The following ATP6V1C1 variants were observed in gnomAD, a reference collection of about 807,000 sequenced individuals.
ATP6V1C1 encodes ATPase H+ transporting V1 subunit C1.
Under a neutral mutation model 53.9 loss-of-function variants are expected in ATP6V1C1, and 45 were observed. The ratio of observed to expected loss-of-function variants is 0.83; its 90% confidence interval spans 0.66 to 1.07. The LOEUF (loss-of-function observed/expected upper bound fraction) is 1.07. Among genes scored for constraint, ATP6V1C1 ranks in the 50% least tolerant of loss-of-function variants. The pLI, the probability that ATP6V1C1 is intolerant of heterozygous loss-of-function variation, is 0.00. For missense variants in ATP6V1C1, 315 were observed against 440.3 expected, an observed-to-expected ratio of 0.72 and a Z score of 2.55; for synonymous variants, 153 against 155.2, an observed-to-expected ratio of 0.99 and a Z score of 0.11.
intron 3 of ATP6V1C1, among the ~76,000 whole-genome samples, chr8:103,044,982 A>G (rs532257337): frequency 6.6e-6 from 1 of 152,286 alleles, no homozygotes; most frequent in East Asian, 1.9e-4. Context: ...TTGAGCTGAA[A>G]ATGGTTATAG....
chr8:103,067,330 G>T (rs1011323058), intron 12 of ATP6V1C1, among the ~76,000 whole-genome samples: 1 of 149,846 alleles, frequency 6.7e-6, no homozygotes, highest in Non-Finnish European at 1.5e-5. Flanking sequence ...ACCTCGGGGG[G>T]TGGTTGCAGT....
chr8:103,050,965 T>G (rs1817189923), intron 4 of ATP6V1C1, 85 bp from the exon 5 acceptor site: 3 of 897,876 alleles, frequency 3.3e-6, no homozygotes, highest in East Asian at 2.6e-5. Context: ...TCAATGCCAA[T>G]TTCAGCATTA....
intron 3 of ATP6V1C1, among the ~76,000 whole-genome samples, chr8:103,047,464 A>ACG (rs137856477): frequency 8.0e-6 from 1 of 125,604 alleles, no homozygotes; most frequent in East Asian, 2.3e-4. Flanking sequence ...ACACACACAC[A>ACG]TTTTTTTTTT....
At chr8:103,029,267 T>TTC (rs965866747) in intron 1 of ATP6V1C1, among the ~76,000 whole-genome samples, 5 of 140,286 alleles carry the variant, frequency 3.6e-5, no homozygotes, top group East Asian at 2.0e-4. Context: ...CTTCCTTCTT[T>TTC]TCTCTCTCTC....
At chr8:103,062,895 C>T (rs931732319) in intron 8 of ATP6V1C1, 60 bp from the exon 9 acceptor site, 99 of 1,493,070 alleles carry the variant, frequency 6.6e-5, no homozygotes, top group Non-Finnish European at 8.8e-5. Context: ...GAATTTTGCC[C>T]TTAATATGAA....
chr8:103,028,471 T>C (rs1816736365), intron 1 of ATP6V1C1, among the ~76,000 whole-genome samples: 2 of 152,222 alleles, frequency 1.3e-5, no homozygotes, highest in Admixed American at 1.3e-4. Flanking sequence ...CCATTTCTTG[T>C]AACATTAAAT....
In ATP6V1C1 at chr8:103,049,054, C is replaced by G. The variant is rs369444326; in HGVS notation, c.286+99C>G. The G allele has an allele frequency of 4.3e-4, 458 of 1,058,706 alleles. 1 individual carries two copies. The African/African-American group carries it at 6.8e-3, about 16-fold the overall frequency. 65.6% of individuals were successfully genotyped at this position (1,058,706 alleles called of 1,614,324 possible). A position where few individuals can be genotyped will look rare whatever the true frequency, so the allele number is the denominator to read the frequency against. The stretch of plus-strand genomic sequence containing the variant: ...ATGTAAAAAAGTCTACAGAAAAGGA[C>G]ACTAAATACAATAGAAAGCCATTAA... On this transcript the variant is annotated intron_variant, in intron 4 of 12. Coordinates refer to ENST00000518738, the MANE Select transcript of ATP6V1C1 (RefSeq NM_001695.5).
At chr8:103,064,319 G>A (rs1438359085) in intron 10 of ATP6V1C1, among the ~76,000 whole-genome samples, 5 of 152,176 alleles carry the variant, frequency 3.3e-5, no homozygotes, top group Admixed American at 3.3e-4. Flanking sequence ...CTAAGAAGTT[G>A]TTTGTAAGTT....
intron 1 of ATP6V1C1, among the ~76,000 whole-genome samples, chr8:103,027,324 C>A (rs1024864458): frequency 6.6e-6 from 1 of 152,174 alleles, no homozygotes; most frequent in Non-Finnish European, 1.5e-5. Context: ...GATTGCATTT[C>A]AGAGACCACG....
rs1324545419 is a variant in ATP6V1C1 at position 103,071,492 on chromosome 8, A to G, written c.*2745A>G. ...TGTCACACTTCCCGCCCCACACTCA[A>G]CTGTTGTGTGAATGAGCCAGACACA... On this transcript the variant is annotated 3_prime_UTR_variant, in exon 13 of 13. Coordinates refer to ENST00000518738, the MANE Select transcript of ATP6V1C1 (RefSeq NM_001695.5). The G allele has an allele frequency of 6.6e-6, 1 of 152,184 alleles. No homozygotes were observed. The highest frequency in any genetic ancestry group is 2.4e-5 in the African/African-American group (1 of 41,442). The allele number at this position is 152,184 out of a possible 1,614,324, so 9.4% of individuals were successfully genotyped here.
rs1030294946 is a variant in ATP6V1C1, at chr8:103,069,564, T to C, written c.*817T>C. On this transcript the variant is annotated 3_prime_UTR_variant, in exon 13 of 13. Transcript: ENST00000518738. ...TTTTGAATAAAGTCTAGCAGAACTA[T>C]GCAGCTTTAGTCATTTGTTTTGTCT... The C allele has an allele frequency of 6.6e-6, 1 of 152,244 alleles. No homozygotes were observed. The highest frequency in any genetic ancestry group is 2.4e-5 in the African/African-American group (1 of 41,466). 9.4% of individuals were successfully genotyped at this position (152,244 alleles called of 1,614,324 possible). A position where few individuals can be genotyped will look rare whatever the true frequency, so the allele number is the denominator to read the frequency against.
In ATP6V1C1 at chr8:103,033,264, C is replaced by A. The variant is rs60356223; in HGVS notation, c.-39-7534C>A. Among the ~76,000 whole-genome samples the A allele has an allele frequency of 5.0e-4, 76 of 152,236 alleles. 1 individual carries two copies. In the East Asian group the frequency reaches 0.012, roughly 23 times the overall value. On this transcript the variant is annotated intron_variant, in intron 1 of 12. Transcript: ENST00000518738. Reference sequence around the variant, plus strand: ...TTAATCTTGGTTTTGACAGTGCTCACACAGGTGTATACATTTGTCAAAAAC... The same window carrying A: ...TTAATCTTGGTTTTGACAGTGCTCAAACAGGTGTATACATTTGTCAAAAAC...
rs752791861 is a variant in ATP6V1C1 at position 103,064,726 on chromosome 8, C to T, written c.841C>T (p.Arg281Trp). Residue 281 changes from arginine (R) to tryptophan (W), a missense_variant, in exon 11 of 13, where the codon CGG (arginine) becomes TGG (tryptophan). Transcript: ENST00000518738. ...DKKKQFGPLV[R>W]WLKVNFSEAF... Reference sequence around the variant, plus strand: ...TTTCTTTTTATAGGGACCACTTGTACGGTGGCTGAAAGTGAATTTTAGTGA... The same window carrying T: ...TTTCTTTTTATAGGGACCACTTGTATGGTGGCTGAAAGTGAATTTTAGTGA... 41 of 1,612,038 alleles carry T rather than the reference C, an allele frequency of 2.5e-5. No homozygotes were observed. In the Admixed American group the frequency reaches 5.4e-4, roughly 21 times the overall value.
chr8:103,037,511 A>T (rs1816919774), intron 1 of ATP6V1C1, among the ~76,000 whole-genome samples: 1 of 152,180 alleles, frequency 6.6e-6, no homozygotes, highest in African/African-American at 2.4e-5. Flanking sequence ...GGTCATAAGA[A>T]GATATAAACA....
chr8:103,058,983 A>ATTTT (rs367688530), intron 8 of ATP6V1C1, among the ~76,000 whole-genome samples: 2 of 137,510 alleles, frequency 1.5e-5, no homozygotes, highest in African/African-American at 5.3e-5. Context: ...CCACTTTCCT[A>ATTTT]TTTTTTTTTT....
At chr8:103,033,683 T>C (rs1445252479) in intron 1 of ATP6V1C1, among the ~76,000 whole-genome samples, 1 of 152,228 alleles carries the variant, frequency 6.6e-6, no homozygotes, top group African/African-American at 2.4e-5. Context: ...TCATATGATA[T>C]ATAATGAGAC....
intron 3 of ATP6V1C1, among the ~76,000 whole-genome samples, chr8:103,043,581 T>C (rs1174781540): frequency 1.3e-5 from 2 of 152,104 alleles, no homozygotes; most frequent in African/African-American, 4.8e-5. Context: ...TCCACCCACC[T>C]TGGCCTCCCA....
intron 1 of ATP6V1C1, among the ~76,000 whole-genome samples, chr8:103,035,332 T>C (rs1350798962): frequency 1.3e-5 from 2 of 152,190 alleles, no homozygotes; most frequent in Non-Finnish European, 1.5e-5. Flanking sequence ...TGTATTTGAA[T>C]TTGAATTTTA....
chr8:103,025,076 G>T (rs965405260), intron 1 of ATP6V1C1, among the ~76,000 whole-genome samples: 2 of 152,074 alleles, frequency 1.3e-5, no homozygotes, highest in Non-Finnish European at 2.9e-5. Context: ...GAGTATGTGT[G>T]TGTATTTGAA....
Sources: allele counts gnomAD v4.1 joint callset (sites outside exome capture counted in the v4.1 genomes callset), GRCh38; gene constraint gnomAD v4.1.1; transcripts MANE v1.5; gene names NCBI Gene and HGNC (gene_info 2026-07-23, HGNC 2026-07-21).